The following TJP2 variants were observed in gnomAD, a reference collection of about 807,000 sequenced individuals.
TJP2 encodes Friedreich ataxia region gene X104 (tight junction protein ZO-2).
A neutral mutation model predicts 133.1 loss-of-function variants in TJP2; 91 were observed. The ratio of observed to expected loss-of-function variants is 0.68; its 90% CI spans 0.58 to 0.81. The LOEUF (loss-of-function observed/expected upper bound fraction) is 0.81. Among genes scored for constraint, TJP2 ranks in the 40% least tolerant of loss-of-function variants. TJP2 has a pLI of 0.00. For synonymous variants in TJP2, 592 were observed against 583.4 expected, an observed-to-expected ratio of 1.01 and a Z score of -0.21; for missense variants, 1,541 against 1,565.6, an observed-to-expected ratio of 0.98 and a Z score of 0.26.
At position 69,252,843 on chromosome 9, in the gene TJP2, T is replaced by C. The variant is rs1831438773; in HGVS notation, c.3350T>C (p.Ile1117Thr). ...GAAATTGCCCAGAAGCATCCTGATA[T>C]CTATGCAGTTCCAATCAAAACGCAC... ...RIEIAQKHPD[I>T]YAVPIKTHKP... is the part of the protein sequence containing the mutation. The change falls in exon 22 of 23, where the codon ATC becomes ACC. Residue 1117 changes from isoleucine (I) to threonine (T), a missense_variant. Transcript: ENST00000377245. The C allele has an allele frequency of 6.2e-7, 1 of 1,614,190 alleles. No individual in the cohort carries two copies. The highest frequency in any genetic ancestry group is 8.5e-7 in the Non-Finnish European group (1 of 1,180,044).
chr9:69,230,285 T>G (rs1465911544), intron 11 of TJP2, 53 bp downstream of exon 11: 1 of 1,610,116 alleles, frequency 6.2e-7, no homozygotes, highest in Non-Finnish European at 8.5e-7. Flanking sequence ...AGTGCACTTT[T>G]CTGGGTGTTC....
Position 69,254,709 on chromosome 9 carries a change from C to T in TJP2, c.*335C>T, listed in dbSNP as rs1420961435. On this transcript the variant is annotated 3_prime_UTR_variant, in exon 23 of 23. Transcript: ENST00000377245. ...ATATTAAGAAGCAATAACTATTTTT[C>T]CTCATTAATAGCTGCCTTCAAGGAC... The T allele has an allele frequency of 5.3e-6, 3 of 565,480 alleles. No homozygotes were observed. Among genetic ancestry groups the T allele is most frequent in the South Asian group, 2.5e-5 (1 of 39,236 alleles). 35.0% of individuals were successfully genotyped at this position (565,480 alleles called of 1,614,324 possible). A position where few individuals can be genotyped will look rare whatever the true frequency, so the allele number is the denominator to read the frequency against.
At chr9:69,210,742 C>CTTTTTTTT (rs200516626) in intron 1 of TJP2, among the ~76,000 whole-genome samples, 2 of 117,876 alleles carry the variant, frequency 1.7e-5, no homozygotes, top group Non-Finnish European at 3.5e-5. Context: ...ATTTTGAGTT[C>CTTTTTTTT]TTTTTTTTTT....
Position 69,234,586 on chromosome 9 carries a change from G to A in TJP2, c.1780+39G>A, listed in dbSNP as rs375978638. 9.0e-6 allele frequency: 10 copies of A among 1,110,238 alleles called. 1 individual carries two copies. The highest frequency in any genetic ancestry group is 1.9e-5 in the Admixed American group (1 of 52,148). 68.8% of individuals were successfully genotyped at this position (1,110,238 alleles called of 1,614,324 possible). On this transcript the variant is annotated intron_variant, in intron 12 of 22. Coordinates refer to ENST00000377245, the MANE Select transcript of TJP2 (RefSeq NM_004817.4). The stretch of plus-strand genomic sequence containing the variant: ...GTCATTTAGTTTAGTTGGGGTGGGG[G>A]TGGGGAGTGGGAAGGATGAGAGAGG...
At chr9:69,218,540 T>G (rs1828564179) in intron 4 of TJP2, 181 bp downstream of exon 4, 2 of 647,196 alleles carry the variant, frequency 3.1e-6, no homozygotes, top group Non-Finnish European at 5.6e-6. Context: ...CTACTTTTCC[T>G]TGTGTCTTCT....
At chr9:69,152,627 C>G (rs1462764102) in intron 2 of TJP2, among the ~76,000 whole-genome samples, 1 of 151,934 alleles carries the variant, frequency 6.6e-6, no homozygotes, top group Non-Finnish European at 1.5e-5. Context: ...GATCCTTCAT[C>G]TGTAAAAAGG....
intron 1 of TJP2, among the ~76,000 whole-genome samples, chr9:69,184,265 G>A (rs1233802870): frequency 3.3e-5 from 5 of 152,184 alleles, no homozygotes; most frequent in African/African-American, 4.8e-5. Flanking sequence ...AAGAAAAGGC[G>A]AGATGCGCAA....
intron 19 of TJP2, chr9:69,248,924 T>C (rs1831123336): frequency 1.0e-6 from 1 of 992,524 alleles, no homozygotes; most frequent in Non-Finnish European, 1.2e-6. Flanking sequence ...TCTAGCATTT[T>C]AGCTCATTCC....
chr9:69,198,159 T>TTTTTTTG (rs10674501), intron 1 of TJP2, among the ~76,000 whole-genome samples: 11 of 133,148 alleles, frequency 8.3e-5, no homozygotes, highest in Admixed American at 4.0e-4. Context: ...TTTTTTTTTT[T>TTTTTTTG]GAGACTGAGT....
intron 2 of TJP2, among the ~76,000 whole-genome samples, chr9:69,153,941 G>A (rs1219913696): frequency 1.3e-5 from 2 of 152,092 alleles, no homozygotes; most frequent in African/African-American, 4.8e-5. Context: ...ATCTCACGTC[G>A]CCCTAGTTTC....
At chr9:69,196,442 CACA>C (rs1329096539) in intron 1 of TJP2, among the ~76,000 whole-genome samples, 6 of 152,134 alleles carry the variant, frequency 3.9e-5, no homozygotes, top group Admixed American at 3.3e-4. Flanking sequence ...ATTAAATTCT[CACA>C]ACAACCTTAG....
intron 1 of TJP2, among the ~76,000 whole-genome samples, chr9:69,207,750 G>T (rs1330725624): frequency 6.6e-6 from 1 of 152,196 alleles, no homozygotes; most frequent in African/African-American, 2.4e-5. Context: ...CAAGGTGGTG[G>T]GTGGGACCAG....
chr9:69,227,122 T>C (rs974396211), intron 7 of TJP2, among the ~76,000 whole-genome samples: 1 of 63,830 alleles, frequency 1.6e-5, no homozygotes, highest in Non-Finnish European at 3.5e-5. Flanking sequence ...AGCAGACTTT[T>C]GTTGATTTTT....
intron 1 of TJP2, among the ~76,000 whole-genome samples, chr9:69,184,893 G>A (rs1825750381): frequency 6.6e-6 from 1 of 151,666 alleles, no homozygotes; most frequent in Non-Finnish European, 1.5e-5. Flanking sequence ...GTAACCACGG[G>A]CATGCGCCAC....
intron 1 of TJP2, chr9:69,145,551 C>G (rs1385191575): frequency 4.9e-6 from 2 of 407,266 alleles, no homozygotes. Flanking sequence ...TATTTGTGGT[C>G]TGCCCCCCCA....
At chr9:69,140,065 G>C (rs975954544) in intron 1 of TJP2, among the ~76,000 whole-genome samples, 6 of 152,094 alleles carry the variant, frequency 3.9e-5, no homozygotes, top group Admixed American at 3.3e-4. Context: ...TCCTCCTCAG[G>C]TGCTTAAACA....
chr9:69,212,812 TTTTAGAGGTTA>T (rs1828023434), intron 2 of TJP2, among the ~76,000 whole-genome samples: 2 of 152,158 alleles, frequency 1.3e-5, no homozygotes, highest in Admixed American at 1.3e-4. Flanking sequence ...GTATGGAACA[TTTTAGAGGTTA>T]TTTAGTGTAT....
chr9:69,199,379 A>G (rs939067961), intron 1 of TJP2, among the ~76,000 whole-genome samples: 8 of 152,154 alleles, frequency 5.3e-5, no homozygotes, highest in African/African-American at 1.9e-4. Flanking sequence ...AATTAAAAAA[A>G]ATTAGCCAGG....
intron 2 of TJP2, among the ~76,000 whole-genome samples, chr9:69,159,396 T>A (rs1434864488): frequency 2.5e-5 from 1 of 40,804 alleles, no homozygotes; most frequent in Admixed American, 2.9e-4. Context: ...ATATTGATAT[T>A]TGAAATATAA....
Sources: gnomAD v4.1 joint callset for allele counts (sites outside exome capture counted in the v4.1 genomes callset) on GRCh38, gnomAD v4.1.1 for gene constraint, MANE v1.5 for transcripts, NCBI Gene and HGNC (gene_info 2026-07-23, HGNC 2026-07-21) for gene names.